Variants in IL1RAPL2 observed in about 807,000 individuals in gnomAD.
IL1RAPL2 encodes interleukin 1 receptor accessory protein like 2.
In IL1RAPL2, 3 loss-of-function variants were observed where a neutral mutation model predicts 44.1. The observed-to-expected ratio is 0.07, with a 90% CI of 0.03 to 0.18. The LOEUF (loss-of-function observed/expected upper bound fraction) is 0.18, where lower values mean the gene tolerates loss of function less well. Ranked by LOEUF, IL1RAPL2 falls within the 10% of genes least tolerant of loss-of-function variation. The probability of loss-of-function intolerance (pLI) is 1.00; values close to 1 mark genes in which losing one functional copy is unlikely to be tolerated. For missense variants in IL1RAPL2, 391 were observed against 496.4 expected (o/e 0.79, Z 2.02); for synonymous variants, 181 against 178.8 (o/e 1.01, Z -0.10).
At chrX:105,201,417 C>CAA (rs202023800) in intron 3 of IL1RAPL2, among the ~76,000 whole-genome samples, 50 of 110,358 alleles carry the variant, frequency 4.5e-4, no homozygotes, top group African/African-American at 1.6e-3. Context: ...TAGTCCATAA[C>CAA]AAAAAAAAGA....
chrX:105,002,255 A>G (rs747391215), intron 2 of IL1RAPL2, among the ~76,000 whole-genome samples: 3 of 111,636 alleles, frequency 2.7e-5, no homozygotes, highest in East Asian at 5.7e-4. Context: ...GGAATAAAAC[A>G]TCAAGTTTAC....
At chrX:105,679,622 A>T (rs2037905432) in intron 6 of IL1RAPL2, among the ~76,000 whole-genome samples, 1 of 112,004 alleles carries the variant, frequency 8.9e-6, no homozygotes. Context: ...GAAGTTGCAA[A>T]ATAATTCAGA....
intron 2 of IL1RAPL2, among the ~76,000 whole-genome samples, chrX:104,760,267 T>C (rs993359266): frequency 8.9e-6 from 1 of 112,045 alleles, no homozygotes. Flanking sequence ...TTCTTGGATA[T>C]ACTTATTTCA....
chrX:105,604,541 G>T (rs1464973129), intron 6 of IL1RAPL2, among the ~76,000 whole-genome samples: 1 of 110,237 alleles, frequency 9.1e-6, no homozygotes, highest in Non-Finnish European at 1.9e-5. Context: ...GAAAAGCCCA[G>T]AACCAGGTGG....
At chrX:104,920,633 G>A (rs1206877321) in intron 2 of IL1RAPL2, among the ~76,000 whole-genome samples, 1 of 105,853 alleles carries the variant, frequency 9.4e-6, no homozygotes, top group Non-Finnish European at 1.9e-5. Context: ...ATGCCTAGCA[G>A]ATGCCAGTGC....
chrX:105,355,437 A>G (rs918602908), intron 5 of IL1RAPL2, among the ~76,000 whole-genome samples: 5 of 111,256 alleles, frequency 4.5e-5, no homozygotes, highest in African/African-American at 1.6e-4. Context: ...TCTTCCTTCT[A>G]GGAAACATAC....
At chrX:104,822,834 A>G (rs1448289228) in intron 2 of IL1RAPL2, among the ~76,000 whole-genome samples, 2 of 111,633 alleles carry the variant, frequency 1.8e-5, no homozygotes, top group Non-Finnish European at 3.8e-5. Context: ...CTGAATCTAT[A>G]AATTACTTTG....
intron 2 of IL1RAPL2, among the ~76,000 whole-genome samples, chrX:104,972,910 C>T (rs1250940745): frequency 8.9e-6 from 1 of 112,160 alleles, no homozygotes; most frequent in Non-Finnish European, 1.9e-5. Flanking sequence ...CAAAGGTTTA[C>T]AGAAGTAGGT....
At chrX:105,145,122 A>G (rs2033167847) in intron 2 of IL1RAPL2, among the ~76,000 whole-genome samples, 1 of 111,754 alleles carries the variant, frequency 8.9e-6, no homozygotes, top group Admixed American at 9.5e-5. Flanking sequence ...GAATCAGCAA[A>G]TCCCTTGTCA....
At chrX:104,739,987 G>A (rs913112501) in intron 2 of IL1RAPL2, among the ~76,000 whole-genome samples, 1 of 111,332 alleles carries the variant, frequency 9.0e-6, no homozygotes, top group African/African-American at 3.3e-5. Context: ...GAGGAACATT[G>A]TACTATCCTG....
intron 2 of IL1RAPL2, among the ~76,000 whole-genome samples, chrX:104,819,306 A>G (rs1433107002): frequency 8.9e-6 from 1 of 112,202 alleles, no homozygotes; most frequent in Non-Finnish European, 1.9e-5. Context: ...TGGGAAAGCA[A>G]TACACATTCA....
chrX:105,074,928 G>A (rs1369183799), intron 2 of IL1RAPL2, among the ~76,000 whole-genome samples: 2 of 110,662 alleles, frequency 1.8e-5, no homozygotes, highest in African/African-American at 6.6e-5. Flanking sequence ...TTATCAGCTT[G>A]AGGAGATTTT....
At chrX:104,883,894 C>CA (rs1262944615) in intron 2 of IL1RAPL2, among the ~76,000 whole-genome samples, 1 of 111,727 alleles carries the variant, frequency 9.0e-6, no homozygotes, top group Non-Finnish European at 1.9e-5. Flanking sequence ...TAAGTGAGGA[C>CA]AAAAAACATC....
intron 5 of IL1RAPL2, among the ~76,000 whole-genome samples, chrX:105,376,351 A>G (rs974079561): frequency 8.9e-5 from 10 of 112,209 alleles, no homozygotes; most frequent in South Asian, 7.3e-4. Flanking sequence ...TCTGGCAAGT[A>G]TTCTTCCCTC....
chrX:105,517,130 T>A (rs915396653), intron 6 of IL1RAPL2, among the ~76,000 whole-genome samples: 4 of 111,899 alleles, frequency 3.6e-5, no homozygotes. Context: ...TAAGTAGGCA[T>A]TATTTGTTCC....
chrX:104,661,725 A>T (rs1481885955), intron 2 of IL1RAPL2, among the ~76,000 whole-genome samples: 1 of 111,748 alleles, frequency 8.9e-6, no homozygotes, highest in African/African-American at 3.2e-5. Flanking sequence ...TCTGCAGTAC[A>T]AATTTTTGCT....
intron 2 of IL1RAPL2, among the ~76,000 whole-genome samples, chrX:104,958,679 T>C (rs186883367): frequency 5.8e-4 from 61 of 105,865 alleles, no homozygotes; most frequent in African/African-American, 2.0e-3. Flanking sequence ...CTTGGATTCC[T>C]TCTTAGGAGA....
intron 5 of IL1RAPL2, among the ~76,000 whole-genome samples, chrX:105,440,954 C>T (rs1156381803): frequency 8.9e-6 from 1 of 111,765 alleles, no homozygotes; most frequent in Non-Finnish European, 1.9e-5. Context: ...GTCTGGCTTC[C>T]CCTTTGCCTT....
intron 2 of IL1RAPL2, among the ~76,000 whole-genome samples, chrX:105,096,694 G>T (rs2032607197): frequency 2.7e-5 from 3 of 111,422 alleles, no homozygotes; most frequent in African/African-American, 9.8e-5. Context: ...GGGAGAAAGG[G>T]GAAATGGGCT....
Sources: allele counts gnomAD v4.1 joint callset (sites outside exome capture counted in the v4.1 genomes callset), GRCh38; gene constraint gnomAD v4.1.1; transcripts MANE v1.5; gene names NCBI Gene and HGNC (gene_info 2026-07-23, HGNC 2026-07-21).